EP300: variants seen among roughly 807,000 people sequenced by gnomAD.
EP300 encodes histone acetyltransferase p300.
EP300 carries 31 observed loss-of-function variants against 264.0 expected under a neutral mutation model. The ratio of observed to expected loss-of-function variants is 0.12; its 90% CI spans 0.09 to 0.16. The LOEUF is 0.16. Ranked by LOEUF, EP300 falls within the 10% of genes least tolerant of loss-of-function variation. EP300 has a pLI of 1.00. For synonymous variants in EP300, 1,340 were observed against 1,045.4 expected, an observed-to-expected ratio of 1.28 and a Z score of -5.44; for missense variants, 2,766 against 3,052.9, an observed-to-expected ratio of 0.91 and a Z score of 2.21.
chr22:41,113,334 T>C (rs939122322), intron 1 of EP300, among the ~76,000 whole-genome samples: 15 of 152,186 alleles, frequency 9.9e-5, no homozygotes, highest in Non-Finnish European at 1.9e-4. Flanking sequence ...CTTTTTTTCT[T>C]AACCTTCTTG....
At chr22:41,150,886 G>A (rs944721810) in intron 14 of EP300, among the ~76,000 whole-genome samples, 3 of 144,684 alleles carry the variant, frequency 2.1e-5, no homozygotes, top group Non-Finnish European at 3.0e-5. Flanking sequence ...GTGAAACTCC[G>A]TCTAAAAAAA....
At chr22:41,160,224 T>A in intron 19 of EP300, 1 of 234,438 alleles carries the variant, frequency 4.3e-6, no homozygotes, top group South Asian at 5.5e-5. Context: ...TGCTTTTATT[T>A]GCAGTAATCA....
At chr22:41,144,123 C>G (rs913209280) in intron 10 of EP300, among the ~76,000 whole-genome samples, 9 of 152,068 alleles carry the variant, frequency 5.9e-5, no homozygotes, top group African/African-American at 2.2e-4. Flanking sequence ...ATGTTATAGT[C>G]TGAGTTTTTT....
intron 16 of EP300, among the ~76,000 whole-genome samples, chr22:41,153,607 G>A (rs945149015): frequency 8.5e-5 from 13 of 152,054 alleles, no homozygotes; most frequent in African/African-American, 1.7e-4. Context: ...AAAGTTAGCC[G>A]GGTGTGGTGG....
At position 41,160,678 on chromosome 22, in the gene EP300, A is replaced by T. The variant is rs1312106734; in HGVS notation, c.3627A>T (p.Gln1209His). 6.2e-7 allele frequency: 1 copy of T among 1,614,100 alleles called. No individual in the cohort carries two copies. The highest frequency in any genetic ancestry group is 1.1e-5 in the South Asian group (1 of 91,084). ...GTGAGAAGTGTTTCAATGAGATCCA[A>T]GGGGAGAGCGTTTCTTTGGGGGATG... ...HFCEKCFNEI[Q>H]GESVSLGDDP... Residue 1209 changes from glutamine to histidine, a missense_variant, in exon 20 of 31, where the codon CAA becomes CAT. Transcript: ENST00000263253.
At chr22:41,140,030 C>T in intron 8 of EP300, 110 bp from the exon 9 acceptor site, 1 of 794,056 alleles carries the variant, frequency 1.3e-6, no homozygotes, top group Middle Eastern at 2.3e-4. Flanking sequence ...TAATATATAT[C>T]ACCTTGCCAT....
chr22:41,159,572 C>T (rs2059096639), intron 19 of EP300: 1 of 152,184 alleles, frequency 6.6e-6, no homozygotes, highest in South Asian at 2.1e-4. Flanking sequence ...TGCACCAAGC[C>T]ATCTTTAATC....
At chr22:41,155,324 G>GCTCAGGTGATTCTCCCAC (rs1405072688) in intron 17 of EP300, among the ~76,000 whole-genome samples, 2 of 151,954 alleles carry the variant, frequency 1.3e-5, no homozygotes, top group Non-Finnish European at 2.9e-5. Flanking sequence ...CACCTCCCGG[G>GCTCAGGTGATTCTCCCAC]CTCAGGTGAT....
intron 1 of EP300, among the ~76,000 whole-genome samples, chr22:41,115,421 C>A (rs1042771667): frequency 3.9e-5 from 6 of 152,158 alleles, no homozygotes; most frequent in African/African-American, 1.4e-4. Context: ...TTAATCTATA[C>A]TTAGCACCCA....
Position 41,179,874 on chromosome 22 carries a change from CCCCACTCACACACACACACACACA to C in EP300, c.*920_*943del, listed in dbSNP as rs2059231775. The C allele has an allele frequency of 2.0e-5, 3 of 153,154 alleles. No individual in the cohort carries two copies. The highest frequency in any genetic ancestry group is 9.2e-5 in the African/African-American group (3 of 32,662). 9.5% of individuals were successfully genotyped at this position (153,154 alleles called of 1,614,324 possible). On this transcript the variant is annotated 3_prime_UTR_variant, in exon 31 of 31. Transcript: ENST00000263253. ...TTGCTTTCTTCCTCCTTACCCTACC[CCCCACTCACACACACACACACACA>C]CACACACACACACACACACACACAC... is the stretch of plus-strand genomic sequence containing the variant.
chr22:41,134,163 C>CTTTTTT (rs11362436), intron 6 of EP300, among the ~76,000 whole-genome samples: 483 of 105,146 alleles, frequency 4.6e-3, no homozygotes, highest in Middle Eastern at 0.012. Context: ...TCATTCTTTT[C>CTTTTTT]TTTTTTTTTT....
chr22:41,136,412 A>G (rs2058950791), intron 7 of EP300, among the ~76,000 whole-genome samples: 1 of 152,224 alleles, frequency 6.6e-6, no homozygotes, highest in African/African-American at 2.4e-5. Context: ...GGATGTTGCA[A>G]GGTTACAGCT....
At chr22:41,163,988 A>G (rs1601629256) in intron 21 of EP300, 65 bp from the exon 22 acceptor site, 1 of 1,441,430 alleles carries the variant, frequency 6.9e-7, no homozygotes, top group South Asian at 1.1e-5. Flanking sequence ...AGTCATGGGA[A>G]ATATTGCAAG....
intron 1 of EP300, among the ~76,000 whole-genome samples, chr22:41,104,033 C>A (rs2058745210): frequency 1.3e-5 from 2 of 152,150 alleles, no homozygotes; most frequent in African/African-American, 4.8e-5. Flanking sequence ...AGAAACCATT[C>A]ACTCTCCTTG....
In EP300 at chr22:41,176,398, T is replaced by C. The variant is rs1360412888; in HGVS notation, c.4931T>C (p.Leu1644Pro). The C allele has an allele frequency of 2.5e-6, 4 of 1,614,036 alleles. No homozygotes were observed. The highest frequency in any genetic ancestry group is 3.4e-6 in the Non-Finnish European group (4 of 1,180,038). ...GACAAGCACCTGGAGTTCTCTTCAC[T>C]CCGAAGAGCCCAGTGGTCCACCATG... ...ARDKHLEFSS[L>P]RRAQWSTMCM... The change falls in exon 30 of 31, where the codon CTC (leucine) becomes CCC (proline). Residue 1644 changes from leucine (L) to proline (P), a missense_variant. Coordinates refer to ENST00000263253, the MANE Select transcript of EP300 (RefSeq NM_001429.4).
In EP300 at chr22:41,179,181, G is replaced by T; in HGVS notation, c.*225G>T. 1.7e-6 allele frequency: 1 copy of T among 584,034 alleles called. No individual in the cohort carries two copies. The highest frequency in any genetic ancestry group is 3.0e-6 in the Non-Finnish European group (1 of 334,508). The allele number at this position is 584,034 out of a possible 1,614,324, so 36.2% of individuals were successfully genotyped here. Reference sequence around the variant, plus strand: ...TTTTTGTTATGGCTGGTTACCACCAGCCTTTCTTCCCCTTTGTGTGTGTGG... The same window carrying T: ...TTTTTGTTATGGCTGGTTACCACCATCCTTTCTTCCCCTTTGTGTGTGTGG... On this transcript the variant is annotated 3_prime_UTR_variant, in exon 31 of 31. Coordinates refer to ENST00000263253, the MANE Select transcript of EP300 (RefSeq NM_001429.4).
At chr22:41,173,865 A>G (rs2059184872) in intron 29 of EP300, 81 bp downstream of exon 29, 3 of 1,567,632 alleles carry the variant, frequency 1.9e-6, no homozygotes, top group Non-Finnish European at 2.6e-6. Flanking sequence ...TAATCCCAGC[A>G]CTTTGGGAGG....
At chr22:41,095,018 T>G (rs1479711785) in intron 1 of EP300, among the ~76,000 whole-genome samples, 1 of 152,184 alleles carries the variant, frequency 6.6e-6, no homozygotes, top group Non-Finnish European at 1.5e-5. Context: ...GATTAATTCA[T>G]TCACTCATAA....
chr22:41,167,584 GTATATATATATATATATATATA>G lies in EP300; in HGVS notation c.3875-834_3875-813del, dbSNP rs56131556. On this transcript the variant is annotated intron_variant, in intron 23 of 30. Coordinates refer to ENST00000263253, the MANE Select transcript of EP300 (RefSeq NM_001429.4). ...TTTGTGTGTGTGTGTGTGTGTGTGT[GTATATATATATATATATATATA>G]TATATATATATATATATATATATAT... Among the ~76,000 whole-genome samples, 250 of 34,482 alleles carry G rather than the reference GTATATATATATATATATATATA, an allele frequency of 7.3e-3. 3 individuals carry two copies. The East Asian group carries it at 0.18, about 24-fold the overall frequency. The allele number at this position is 34,482 out of a possible 152,430, so 22.6% of individuals were successfully genotyped here.
Sources: gnomAD v4.1 joint callset for allele counts (sites outside exome capture counted in the v4.1 genomes callset) on GRCh38, gnomAD v4.1.1 for gene constraint, MANE v1.5 for transcripts, NCBI Gene and HGNC (gene_info 2026-07-23, HGNC 2026-07-21) for gene names.